Variants in COG8 observed in about 807,000 individuals in gnomAD.
COG8 encodes component of oligomeric golgi complex 8, also known as conserved oligomeric Golgi complex subunit 8.
COG8 carries 45 observed loss-of-function variants against 46.5 expected under a neutral mutation model. The ratio of observed to expected loss-of-function variants is 0.97; its 90% CI spans 0.76 to 1.24. The LOEUF is 1.24. Ranked by LOEUF, COG8 falls within the 50% of genes most tolerant of loss-of-function variation. COG8 has a pLI of 0.00. For synonymous variants in COG8, 407 were observed against 347.8 expected (o/e 1.17, Z -1.90); for missense variants, 793 against 820.8 (o/e 0.97, Z 0.41).
intron 2 of COG8, among the ~76,000 whole-genome samples, chr16:69,335,798 A>G (rs970436614): frequency 2.6e-5 from 4 of 151,030 alleles, no homozygotes; most frequent in African/African-American, 2.4e-5. Context: ...CCTGGGGGAC[A>G]GAGCGAGACT....
rs1489510736 is a variant in COG8, at chr16:69,330,808, C to A, written c.*26+5G>T. On this transcript the variant is annotated splice_donor_5th_base_variant and intron_variant, in intron 5 of 5. Coordinates refer to ENST00000306875, the MANE Select transcript of COG8 (RefSeq NM_032382.5). The stretch of plus-strand genomic sequence containing the variant: ...TGGCCACCCCGCGCCGGGAACCTCA[C>A]GCACCGCGTTCTGGAGGCAGGGGAC... 3.9e-6 allele frequency: 6 copies of A among 1,525,326 alleles called. No individual in the cohort carries two copies. The highest frequency in any genetic ancestry group is 5.3e-6 in the Non-Finnish European group (6 of 1,141,696). The allele number at this position is 1,525,326 out of a possible 1,614,324, so 94.5% of individuals were successfully genotyped here. A position where few individuals can be genotyped will look rare whatever the true frequency, so the allele number is the denominator to read the frequency against.
Position 69,339,421 on chromosome 16 carries a change from G to T in COG8, c.132C>A (p.Pro44=). 1 of 1,583,786 alleles carries T rather than the reference G, an allele frequency of 6.3e-7. No homozygotes were observed. The change falls in exon 1 of 6, where the codon CCC becomes CCA. Residue 44 remains proline, a synonymous_variant. Coordinates refer to ENST00000306875, the MANE Select transcript of COG8 (RefSeq NM_032382.5). ...RFPEAQWRER[P]DVGRYLRELS... ...ACTCCCGGAGGTAGCGGCCCACATC[G>T]GGCCGCTCGCGCCACTGGGCCTCGG...
At chr16:69,337,366 T>C (rs983102818) in intron 1 of COG8, among the ~76,000 whole-genome samples, 12 of 151,002 alleles carry the variant, frequency 7.9e-5, no homozygotes, top group Admixed American at 2.0e-4. Context: ...GCATTTAACA[T>C]AGAACTTGAA....
chr16:69,329,886 G>T, intron 5 of COG8: 2 of 1,297,944 alleles, frequency 1.5e-6, no homozygotes, highest in Non-Finnish European at 2.0e-6. Context: ...ATCCCACTTC[G>T]CTCCTGCGGG....
Position 69,335,211 on chromosome 16 carries a change from A to G in COG8, c.723T>C (p.Ala241=). The G allele has an allele frequency of 6.2e-7, 1 of 1,614,154 alleles. No individual in the cohort carries two copies. Among genetic ancestry groups the G allele is most frequent in the South Asian group, 1.1e-5 (1 of 91,080 alleles). Residue 241 remains alanine, a synonymous_variant, in exon 3 of 6, where the codon GCT becomes GCC. Transcript: ENST00000306875. ...CCTGAAGAAACTTCACCCTCAACTC[A>G]GCCTCAGTGAAGACGTCCATGCGCC... The part of the protein sequence containing the change: ...YLRRMDVFTE[A]ELRVKFLQAR...
At chr16:69,337,991 C>G (rs1362640752) in intron 1 of COG8, among the ~76,000 whole-genome samples, 1 of 152,188 alleles carries the variant, frequency 6.6e-6, no homozygotes, top group Non-Finnish European at 1.5e-5. Context: ...CTTGGCCTCT[C>G]AAAGTGCTGG....
At chr16:69,338,772 G>C (rs1034061841) in intron 1 of COG8, among the ~76,000 whole-genome samples, 1 of 152,198 alleles carries the variant, frequency 6.6e-6, no homozygotes, top group Non-Finnish European at 1.5e-5. Context: ...GACAGATCAC[G>C]ACATCAAAAG....
intron 5 of COG8, chr16:69,330,530 C>G: frequency 1.6e-5 from 24 of 1,477,096 alleles, no homozygotes; most frequent in Non-Finnish European, 2.0e-5. Flanking sequence ...CACGGCCGCC[C>G]ACAGTGGCCA....
chr16:69,332,894 G>C lies in COG8; in HGVS notation c.1414-12C>G, dbSNP rs757188942. The C allele has an allele frequency of 1.4e-5, 23 of 1,613,920 alleles. No homozygotes were observed. Among genetic ancestry groups the C allele is most frequent in the Non-Finnish European group, 1.9e-5 (22 of 1,179,962 alleles). On this transcript the variant is annotated splice_polypyrimidine_tract_variant and intron_variant, in intron 3 of 5. Coordinates refer to ENST00000306875, the MANE Select transcript of COG8 (RefSeq NM_032382.5). The stretch of plus-strand genomic sequence containing the variant: ...ATTATTTTAGTTACCTAAGAGACAA[G>C]GGCACCGTCAATTACTGGGACAGCC...
rs575189480 is a variant in COG8, at chr16:69,330,431, GAGCGCCGC to G, written c.*26+374_*26+381del. ...CAGACGCCTCAGGTGGCGCCAATAG[GAGCGCCGC>G]AGCGCCGGGCCCTCGACGCCGTCCG... On this transcript the variant is annotated intron_variant, in intron 5 of 5. Transcript: ENST00000306875. 30 of 1,475,956 alleles carry G rather than the reference GAGCGCCGC, an allele frequency of 2.0e-5. No individual in the cohort carries two copies. The East Asian group carries it at 4.7e-4, about 23-fold the overall frequency. The allele number at this position is 1,475,956 out of a possible 1,614,324, so 91.4% of individuals were successfully genotyped here.
intron 1 of COG8, 135 bp from the exon 2 acceptor site, chr16:69,336,847 A>C (rs886539021): frequency 2.0e-5 from 16 of 811,274 alleles, no homozygotes; most frequent in Non-Finnish European, 3.1e-5. Context: ...CTATAAGGTA[A>C]GTATTATTAC....
At position 69,329,093 on chromosome 16, in the gene COG8, C is replaced by G. The variant is rs755069777; in HGVS notation, c.*113G>C. 2.5e-6 allele frequency: 4 copies of G among 1,611,950 alleles called. No homozygotes were observed. Among genetic ancestry groups the G allele is most frequent in the Non-Finnish European group, 2.5e-6 (3 of 1,179,572 alleles). On this transcript the variant is annotated 3_prime_UTR_variant, in exon 6 of 6. Coordinates refer to ENST00000306875, the MANE Select transcript of COG8 (RefSeq NM_032382.5). ...TCCATTTTGTCAATAAACAGGCAGC[C>G]CTGCAGGTGGTCCATCTCGTGCTGG...
chr16:69,332,676 C>G (rs1231661015), intron 4 of COG8, 38 bp downstream of exon 4: 1 of 1,557,578 alleles, frequency 6.4e-7, no homozygotes, highest in Non-Finnish European at 8.9e-7. Flanking sequence ...GTGAATTACA[C>G]ATCAGTAAGG....
rs2011775505 is a variant in COG8 at position 69,330,922 on chromosome 16, G to A, written c.1756C>T (p.Pro586Ser). 2 of 1,558,900 alleles carry A rather than the reference G, an allele frequency of 1.3e-6. No individual in the cohort carries two copies. The highest frequency in any genetic ancestry group is 1.7e-6 in the Non-Finnish European group (2 of 1,151,532). The change falls in exon 5 of 6, where the codon CCA (proline) becomes TCA (serine). Residue 586 changes from proline to serine, a missense_variant. Coordinates refer to ENST00000306875, the MANE Select transcript of COG8 (RefSeq NM_032382.5). The part of the protein sequence containing the change: ...APAPEPPAEE[P>S]RLEPAGPACP... ...GCTGGGCCCGCGGGCTCCAGGCGTGGCTCCTCGGCGGGAGGCTCTGGTGCT... is the reference window on the plus strand; with the variant it reads ...GCTGGGCCCGCGGGCTCCAGGCGTGACTCCTCGGCGGGAGGCTCTGGTGCT...
intron 5 of COG8, 24 bp downstream of exon 5, chr16:69,330,789 C>A (rs1375370485): frequency 1.3e-6 from 2 of 1,506,588 alleles, no homozygotes; most frequent in African/African-American, 1.4e-5. Flanking sequence ...GTCCTGGCCA[C>A]CCCGCGCCGG....
In COG8 at chr16:69,336,710, T is replaced by C. The variant is rs753893688; in HGVS notation, c.380A>G (p.Asn127Ser). ...GATCTCCTCGGCTTCCTTCACAAAG[T>C]TCCTAGTAATAATCAGAAGAATGTT... ...RLPSFQQSCRNFVKEAEEISS... is the reference protein window; with the variant it reads ...RLPSFQQSCRSFVKEAEEISS... The change falls in exon 2 of 6, where the codon AAC becomes AGC. Residue 127 changes from asparagine to serine, a missense_variant and splice_region_variant. By Grantham distance (46) the Asn-to-Ser change is conservative (BLOSUM62 1). Coordinates refer to ENST00000306875, the MANE Select transcript of COG8 (RefSeq NM_032382.5). 2.4e-5 allele frequency: 38 copies of C among 1,613,720 alleles called. No homozygotes were observed. The highest frequency in any genetic ancestry group is 3.2e-5 in the Non-Finnish European group (38 of 1,179,850).
At position 69,334,927 on chromosome 16, in the gene COG8, C is replaced by G. The variant is rs752326514; in HGVS notation, c.1007G>C (p.Arg336Pro). 8.7e-6 allele frequency: 14 copies of G among 1,614,026 alleles called. No individual in the cohort carries two copies. Among genetic ancestry groups the G allele is most frequent in the Non-Finnish European group, 1.2e-5 (14 of 1,180,044 alleles). Residue 336 changes from arginine (R) to proline (P), a missense_variant, in exon 3 of 6, where the codon CGG becomes CCG. Transcript: ENST00000306875. ...AGAGTCCAGGTGGCCGCCTATGCCC[C>G]GGTAAAGGTCGGTCTCCAGCACCTG... ...FLQVLETDLY[R>P]GIGGHLDSLL...
At chr16:69,336,424 C>T in intron 2 of COG8, 81 bp downstream of exon 2, 1 of 1,336,742 alleles carries the variant, frequency 7.5e-7, no homozygotes, top group Non-Finnish European at 1.1e-6. Context: ...GCAAGAGTTT[C>T]TACCTAAAGC....
In COG8 at chr16:69,328,936, A is replaced by G; in HGVS notation, c.*270T>C. 1 of 1,527,116 alleles carries G rather than the reference A, an allele frequency of 6.5e-7. No homozygotes were observed. The highest frequency in any genetic ancestry group is 2.4e-5 in the East Asian group (1 of 40,826). 94.6% of individuals were successfully genotyped at this position (1,527,116 alleles called of 1,614,324 possible). On this transcript the variant is annotated 3_prime_UTR_variant, in exon 6 of 6. Coordinates refer to ENST00000306875, the MANE Select transcript of COG8 (RefSeq NM_032382.5). ...TTTCCTGTCATATGCGAGCCATCCAAGTTGATGCCAAGTAAGATTTGCCCA... is the reference window on the plus strand; with the variant it reads ...TTTCCTGTCATATGCGAGCCATCCAGGTTGATGCCAAGTAAGATTTGCCCA...
Sources: allele counts gnomAD v4.1 joint callset (sites outside exome capture counted in the v4.1 genomes callset), GRCh38; gene constraint gnomAD v4.1.1; transcripts MANE v1.5; gene names NCBI Gene and HGNC (gene_info 2026-07-23, HGNC 2026-07-21).